Variants in MYH9 observed in about 807,000 individuals in gnomAD.
MYH9 encodes myosin-9.
MYH9 carries 29 observed loss-of-function variants against 241.9 expected under a neutral mutation model. The ratio of observed to expected loss-of-function variants is 0.12; its 90% CI spans 0.09 to 0.16. The LOEUF is 0.16. MYH9 is among the 10% of genes least tolerant of loss of function. The probability of loss-of-function intolerance (pLI) is 1.00; values close to 1 mark genes in which losing one functional copy is unlikely to be tolerated. For missense variants in MYH9, 1,803 were observed against 2,595.5 expected (o/e 0.69, Z 6.63); for synonymous variants, 1,047 against 1,062.6 (o/e 0.99, Z 0.29).
chr22:36,289,996 G>A (rs1348142207), intron 31 of MYH9, among the ~76,000 whole-genome samples: 4 of 152,068 alleles, frequency 2.6e-5, no homozygotes, highest in Non-Finnish European at 4.4e-5. Flanking sequence ...AAAATGCAGG[G>A]GCCGGATCCG....
chr22:36,332,524 G>A (rs777174758), intron 3 of MYH9, among the ~76,000 whole-genome samples: 78 of 152,082 alleles, frequency 5.1e-4, no homozygotes, highest in Admixed American at 1.2e-3. Context: ...AAGCCAGTTC[G>A]ACTCGGCCCA....
intron 31 of MYH9, among the ~76,000 whole-genome samples, chr22:36,291,444 G>A (rs1227019183): frequency 6.6e-6 from 1 of 151,618 alleles, no homozygotes; most frequent in Non-Finnish European, 1.5e-5. Flanking sequence ...TAAGGGCGGT[G>A]CAAGATGTGC....
Position 36,295,815 on chromosome 22 carries a change from G to T in MYH9, c.3273-98C>A. On this transcript the variant is annotated intron_variant, in intron 25 of 40. Transcript: ENST00000216181. The surrounding 1 kb of genome is among the most constrained non-coding windows in gnomAD (Gnocchi z 4.1). The stretch of plus-strand genomic sequence containing the variant: ...TGAGAGAGCTGCAGCAGCCAAAGCT[G>T]CCTCCTGTGGTCACAATCATGGCAC... 1 of 1,121,706 alleles carries T rather than the reference G, an allele frequency of 8.9e-7. No individual in the cohort carries two copies. Among genetic ancestry groups the T allele is most frequent in the Non-Finnish European group, 1.3e-6 (1 of 766,368 alleles). The allele number at this position is 1,121,706 out of a possible 1,614,324, so 69.5% of individuals were successfully genotyped here. A position where few individuals can be genotyped will look rare whatever the true frequency, so the allele number is the denominator to read the frequency against.
At chr22:36,337,802 C>G (rs1277234644) in intron 3 of MYH9, among the ~76,000 whole-genome samples, 1 of 152,128 alleles carries the variant, frequency 6.6e-6, no homozygotes, top group Non-Finnish European at 1.5e-5. Context: ...CCTGCAGACC[C>G]CGAGGCTCCA....
At chr22:36,283,380 T>C (rs1470885079) in intron 40 of MYH9, among the ~76,000 whole-genome samples, 1 of 151,374 alleles carries the variant, frequency 6.6e-6, no homozygotes, top group African/African-American at 2.4e-5. Context: ...CCACTAAAAA[T>C]ACAAAAATTA....
At chr22:36,376,939 T>G (rs2146422563) in intron 1 of MYH9, among the ~76,000 whole-genome samples, 1 of 152,162 alleles carries the variant, frequency 6.6e-6, no homozygotes, top group Admixed American at 6.5e-5. Context: ...GGTGCACACC[T>G]GTAATCCCAG....
chr22:36,355,911 C>T (rs1165684010), intron 1 of MYH9, among the ~76,000 whole-genome samples: 3 of 152,220 alleles, frequency 2.0e-5, no homozygotes, highest in Non-Finnish European at 4.4e-5. Flanking sequence ...TCTCCCCATG[C>T]TGGCTTGCAC....
chr22:36,356,348 AG>A (rs1251262959), intron 1 of MYH9, among the ~76,000 whole-genome samples: 8 of 152,098 alleles, frequency 5.3e-5, no homozygotes, highest in African/African-American at 1.9e-4. Context: ...TGGGAGGCTG[AG>A]GCGAGTGGAT....
At chr22:36,303,645 G>A (rs1333813572) in intron 19 of MYH9, among the ~76,000 whole-genome samples, 5 of 151,878 alleles carry the variant, frequency 3.3e-5, no homozygotes, top group Admixed American at 2.6e-4. Context: ...TTAGCTGGGC[G>A]TGGTGGCGTG....
In MYH9 at chr22:36,282,382, A is replaced by C; in HGVS notation, c.*286T>G. 3.5e-6 allele frequency: 2 copies of C among 570,822 alleles called. No homozygotes were observed. Among genetic ancestry groups the C allele is most frequent in the Non-Finnish European group, 3.2e-6 (1 of 317,176 alleles). 35.4% of individuals were successfully genotyped at this position (570,822 alleles called of 1,614,324 possible). A position where few individuals can be genotyped will look rare whatever the true frequency, so the allele number is the denominator to read the frequency against. On this transcript the variant is annotated 3_prime_UTR_variant, in exon 41 of 41. Coordinates refer to ENST00000216181, the MANE Select transcript of MYH9 (RefSeq NM_002473.6). The stretch of plus-strand genomic sequence containing the variant: ...CCTCAACATCTTGTGCTTTTTGGCA[A>C]GAGAGGGCTGAGGAGCCTGCTGGTC...
At chr22:36,313,590 T>G (rs2017102643) in intron 13 of MYH9, among the ~76,000 whole-genome samples, 1 of 151,708 alleles carries the variant, frequency 6.6e-6, no homozygotes, top group East Asian at 1.9e-4. Context: ...AAGTATGAAC[T>G]CATTGGAAAG....
chr22:36,318,646 T>C (rs1249469695), intron 10 of MYH9, among the ~76,000 whole-genome samples: 1 of 152,180 alleles, frequency 6.6e-6, no homozygotes, highest in Non-Finnish European at 1.5e-5. Flanking sequence ...GTGGTTCCTC[T>C]GTCCACTCTC....
chr22:36,372,831 C>G (rs1188253886), intron 1 of MYH9, among the ~76,000 whole-genome samples: 1 of 152,130 alleles, frequency 6.6e-6, no homozygotes, highest in African/African-American at 2.4e-5. Context: ...CTCCTGCTGT[C>G]TAGGAAGACA....
intron 11 of MYH9, among the ~76,000 whole-genome samples, chr22:36,317,402 T>C (rs2017174740): frequency 6.6e-6 from 1 of 152,130 alleles, no homozygotes; most frequent in South Asian, 2.1e-4. Context: ...TTAAGAGTCA[T>C]GTAGTATTTT....
At chr22:36,335,336 A>G (rs1456028363) in intron 3 of MYH9, among the ~76,000 whole-genome samples, 2 of 152,252 alleles carry the variant, frequency 1.3e-5, no homozygotes, top group Non-Finnish European at 2.9e-5. Context: ...CTGCCTCCAC[A>G]GGCACATTTA....
Position 36,285,411 on chromosome 22 carries a change from C to T in MYH9, c.5275-82G>A. 6.8e-7 allele frequency: 1 copy of T among 1,469,396 alleles called. No individual in the cohort carries two copies. Among genetic ancestry groups the T allele is most frequent in the Admixed American group, 1.7e-5 (1 of 59,652 alleles). The allele number at this position is 1,469,396 out of a possible 1,614,324, so 91.0% of individuals were successfully genotyped here. On this transcript the variant is annotated intron_variant, in intron 37 of 40. Transcript: ENST00000216181. The surrounding 1 kb of genome is among the most constrained non-coding windows in gnomAD (Gnocchi z 7.0). ...GAGCAGGGCCAGAGGAAGGTGGCAG[C>T]AGGATCCCACCAAACCCTTGGGGTC...
At chr22:36,319,306 T>C (rs2017210723) in intron 10 of MYH9, among the ~76,000 whole-genome samples, 1 of 152,128 alleles carries the variant, frequency 6.6e-6, no homozygotes, top group South Asian at 2.1e-4. Flanking sequence ...CAGGAATGAA[T>C]AAGGGAAGCC....
chr22:36,304,089 C>A lies in MYH9; in HGVS notation c.2296G>T (p.Gly766Cys). Residue 766 changes from glycine to cysteine, a missense_variant, in exon 19 of 41, where the codon GGT becomes TGT. By Grantham distance (159) the Gly-to-Cys change is radical. Transcript: ENST00000216181. ...TCCTCCTCCAGGTGGGCCAGCACAC[C>A]GGCACGGAAGAAGACTTTGCTCTGG... ...IGQSKVFFRA[G>C]VLAHLEEERD... 2.5e-6 allele frequency: 4 copies of A among 1,613,856 alleles called. No individual in the cohort carries two copies. Among genetic ancestry groups the A allele is most frequent in the Non-Finnish European group, 3.4e-6 (4 of 1,180,034 alleles).
chr22:36,343,190 T>C lies in MYH9; in HGVS notation c.334-1664A>G, dbSNP rs192354730. 2.6e-3 allele frequency among the ~76,000 whole-genome samples: 394 copies of C among 152,034 alleles called. 2 individuals carry two copies. Among genetic ancestry groups the C allele is most frequent in the African/African-American group, 8.1e-3 (336 of 41,450 alleles). On this transcript the variant is annotated intron_variant, in intron 2 of 40. Transcript: ENST00000216181. ...GGCACAGGGAATTTCCAAGCAGCAATTGACTAAAGGCAGAACCCAGAGGGC... is the reference window on the plus strand; with the variant it reads ...GGCACAGGGAATTTCCAAGCAGCAACTGACTAAAGGCAGAACCCAGAGGGC...
Sources: allele counts gnomAD v4.1 joint callset (sites outside exome capture counted in the v4.1 genomes callset), GRCh38; gene constraint gnomAD v4.1.1; non-coding constraint Gnocchi (gnomAD v3.1); transcripts MANE v1.5; gene names NCBI Gene and HGNC (gene_info 2026-07-23, HGNC 2026-07-21).